The following MAP7D2 variants were observed in gnomAD, a reference collection of about 807,000 sequenced individuals.
MAP7D2 encodes the protein MAP7 domain containing 2, also known as MAP7 domain-containing protein 2.
MAP7D2 carries 33 observed loss-of-function variants against 63.5 expected under a neutral mutation model. The ratio of observed to expected loss-of-function variants is 0.52; its 90% confidence interval spans 0.39 to 0.70. The LOEUF is 0.70. Ranked by LOEUF, MAP7D2 falls within the 30% of genes least tolerant of loss-of-function variation. The pLI, the probability that MAP7D2 is intolerant of heterozygous loss-of-function variation, is 0.00. For synonymous variants in MAP7D2, 224 were observed against 223.7 expected (o/e 1.00, Z -0.01); for missense variants, 626 against 604.0 (o/e 1.04, Z -0.38).
intron 1 of MAP7D2, among the ~76,000 whole-genome samples, chrX:20,090,363 CAAAAA>C (rs56957181): frequency 9.2e-5 from 4 of 43,520 alleles, no homozygotes; most frequent in African/African-American, 2.5e-4. Context: ...GACTCTGTCT[CAAAAA>C]AAAAAAAAAA....
rs948199949 is a variant in MAP7D2 at position 20,097,405 on chromosome X, G to T, written c.130+19345C>A. On this transcript the variant is annotated intron_variant, in intron 1 of 16. Transcript: ENST00000379643. ...ACCTAAGTAGTGTGTGCCAAAGAGG[G>T]GTGGGGCCAAAAAACAAGAGTGCTC... Among the ~76,000 whole-genome samples, 5 of 111,194 alleles carry T rather than the reference G, an allele frequency of 4.5e-5. No individual in the cohort carries two copies. The Admixed American group carries it at 4.8e-4, about 11-fold the overall frequency.
At chrX:20,051,420 C>T (rs2064945370) in intron 5 of MAP7D2, among the ~76,000 whole-genome samples, 1 of 110,696 alleles carries the variant, frequency 9.0e-6, no homozygotes, top group South Asian at 3.8e-4. Flanking sequence ...GGCATGGTGA[C>T]ATGCGCCTGT....
intron 1 of MAP7D2, among the ~76,000 whole-genome samples, chrX:20,084,292 A>T (rs1322118416): frequency 1.8e-5 from 2 of 111,206 alleles, no homozygotes; most frequent in Admixed American, 9.6e-5. Flanking sequence ...TGTGACGAAT[A>T]AAAAAACCTT....
intron 1 of MAP7D2, among the ~76,000 whole-genome samples, chrX:20,076,985 C>T (rs753191572): frequency 1.8e-5 from 2 of 112,630 alleles, no homozygotes; most frequent in Non-Finnish European, 3.7e-5. Context: ...TTTTCCCCAC[C>T]AAATGTAGAA....
intron 10 of MAP7D2, among the ~76,000 whole-genome samples, chrX:20,023,021 T>C (rs1172258741): frequency 8.9e-6 from 1 of 111,994 alleles, no homozygotes; most frequent in African/African-American, 3.3e-5. Flanking sequence ...GAGGGTCTGA[T>C]AGTGGACAAT....
intron 3 of MAP7D2, among the ~76,000 whole-genome samples, chrX:20,062,348 C>A (rs1444797062): frequency 9.0e-6 from 1 of 111,130 alleles, no homozygotes; most frequent in Admixed American, 9.6e-5. Flanking sequence ...CAGACTGCAG[C>A]CAATAACGGT....
At chrX:20,063,990 A>G (rs1162316744) in intron 2 of MAP7D2, among the ~76,000 whole-genome samples, 4 of 112,655 alleles carry the variant, frequency 3.6e-5, no homozygotes, top group African/African-American at 1.3e-4. Context: ...ATGTTCATTC[A>G]AAAGCAGTTT....
chrX:20,024,405 C>T (rs1476101948), intron 10 of MAP7D2, among the ~76,000 whole-genome samples: 1 of 111,896 alleles, frequency 8.9e-6, no homozygotes, highest in African/African-American at 3.3e-5. Context: ...TTTTGTCTTG[C>T]TCCCAGATGG....
At chrX:20,094,979 G>A (rs1001452117) in intron 1 of MAP7D2, among the ~76,000 whole-genome samples, 8 of 108,909 alleles carry the variant, frequency 7.3e-5, no homozygotes, top group African/African-American at 2.7e-4. Context: ...ACTAGGCCGG[G>A]CACAGTAGCT....
intron 1 of MAP7D2, among the ~76,000 whole-genome samples, chrX:20,113,775 A>G (rs768264497): frequency 8.3e-4 from 93 of 111,435 alleles, no homozygotes; most frequent in African/African-American, 2.6e-3. Flanking sequence ...TGAAATAATC[A>G]TATCATGCAA....
chrX:20,067,887 T>A (rs1355667502), intron 1 of MAP7D2, among the ~76,000 whole-genome samples: 1 of 112,277 alleles, frequency 8.9e-6, no homozygotes, highest in East Asian at 2.8e-4. Flanking sequence ...AGCCAAGCGC[T>A]GGCCCAGCTG....
At position 20,065,264 on chromosome X, in the gene MAP7D2, C is replaced by CT. The variant is rs779399409; in HGVS notation, c.131-460dup. On this transcript the variant is annotated intron_variant, in intron 1 of 16. Coordinates refer to ENST00000379643, the MANE Select transcript of MAP7D2 (RefSeq NM_001168465.2). ...CATTACACAGACACTGAACATTTTA[C>CT]TTTTTTTTTTTTTTTTTTTTGAGAC... 7.3e-3 allele frequency among the ~76,000 whole-genome samples: 667 copies of CT among 91,400 alleles called. 3 individuals carry two copies. Among genetic ancestry groups the CT allele is most frequent in the East Asian group, 0.026 (76 of 2,917 alleles). The allele number at this position is 91,400 out of a possible 115,157, so 79.4% of individuals were successfully genotyped here. A position where few individuals can be genotyped will look rare whatever the true frequency, so the allele number is the denominator to read the frequency against.
chrX:20,059,904 G>A (rs1268086843), intron 3 of MAP7D2, among the ~76,000 whole-genome samples: 1 of 111,628 alleles, frequency 9.0e-6, no homozygotes, highest in Non-Finnish European at 1.9e-5. Flanking sequence ...TGAACTGGCT[G>A]AACAGTATTA....
At chrX:20,087,332 T>A (rs1172032997) in intron 1 of MAP7D2, among the ~76,000 whole-genome samples, 1 of 111,379 alleles carries the variant, frequency 9.0e-6, no homozygotes, top group African/African-American at 3.3e-5. Context: ...TTAGTTCCCA[T>A]GAGAGTCCCT....
Position 20,025,867 on chromosome X carries a change from G to C in MAP7D2, c.1093C>G (p.Leu365Val). 8 of 1,211,792 alleles carry C rather than the reference G, an allele frequency of 6.6e-6. No individual in the cohort carries two copies. The change falls in exon 9 of 17, where the codon CTT becomes GTT. Residue 365 changes from leucine (L) to valine (V), a missense_variant. Leu to Val is a conservative substitution (Grantham distance 32). Coordinates refer to ENST00000379643, the MANE Select transcript of MAP7D2 (RefSeq NM_001168465.2). ...GSPVKYRLPA[L>V]SGQDMPKRKA... Reference sequence around the variant, plus strand: ...CTCTTGGGCATGTCTTGGCCAGAAAGGGCAGGTAAGCGGTACTTCACAGGA... The same window carrying C: ...CTCTTGGGCATGTCTTGGCCAGAAACGGCAGGTAAGCGGTACTTCACAGGA...
Position 20,042,482 on chromosome X carries a change from C to A in MAP7D2, c.1007+20G>T. The A allele has an allele frequency of 8.3e-7, 1 of 1,209,392 alleles. No individual in the cohort carries two copies. Among genetic ancestry groups the A allele is most frequent in the East Asian group, 3.0e-5 (1 of 33,822 alleles). ...GACTCATGACAGTCAGACTGTCTGGCAAAGGGGAGAGATGCTTACTTGGAT... is the reference window on the plus strand; with the variant it reads ...GACTCATGACAGTCAGACTGTCTGGAAAAGGGGAGAGATGCTTACTTGGAT... On this transcript the variant is annotated intron_variant, in intron 8 of 16. Transcript: ENST00000379643.
intron 1 of MAP7D2, among the ~76,000 whole-genome samples, chrX:20,097,929 A>G (rs768470115): frequency 8.9e-6 from 1 of 111,934 alleles, no homozygotes; most frequent in East Asian, 2.8e-4. Flanking sequence ...GTACTTATCA[A>G]TGCTCAACTT....
At chrX:20,015,955 C>T in intron 11 of MAP7D2, 139 bp downstream of exon 11, 1 of 599,264 alleles carries the variant, frequency 1.7e-6, no homozygotes, top group Non-Finnish European at 2.7e-6. Context: ...ACTGCCCCAA[C>T]TTATATTTAA....
chrX:20,044,208 G>GTTGGGTAAAATTTTGAACTAAATCTACCC lies in MAP7D2; in HGVS notation c.879+127_879+155dup, dbSNP rs1333849540. On this transcript the variant is annotated intron_variant, in intron 7 of 16. Coordinates refer to ENST00000379643, the MANE Select transcript of MAP7D2 (RefSeq NM_001168465.2). ...GCAAAAAGTTAAATGATTTTCAAAG[G>GTTGGGTAAAATTTTGAACTAAATCTACCC]TTGGGTAAAATTTTGAACTAAATCT... Among the ~76,000 whole-genome samples the GTTGGGTAAAATTTTGAACTAAATCTACCC allele has an allele frequency of 6.2e-5, 7 of 112,073 alleles. No individual in the cohort carries two copies. In the Admixed American group the frequency reaches 6.6e-4, roughly 11 times the overall value.
Sources: gnomAD v4.1 joint callset for allele counts (sites outside exome capture counted in the v4.1 genomes callset) on GRCh38, gnomAD v4.1.1 for gene constraint, MANE v1.5 for transcripts, NCBI Gene and HGNC (gene_info 2026-07-23, HGNC 2026-07-21) for gene names.